POMT1: variants seen among roughly 807,000 people sequenced by gnomAD.
POMT1 encodes protein O-mannosyltransferase 1.
A neutral mutation model predicts 101.6 loss-of-function variants in POMT1; 85 were observed. That is an observed-to-expected ratio of 0.84 (90% CI 0.70 to 1.00). The LOEUF is 1.00. Among genes scored for constraint, POMT1 ranks in the 50% least tolerant of loss-of-function variants. The probability of loss-of-function intolerance (pLI) is 0.00; values close to 1 mark genes in which losing one functional copy is unlikely to be tolerated. For synonymous variants in POMT1, 371 were observed against 383.0 expected, an observed-to-expected ratio of 0.97 and a Z score of 0.37; for missense variants, 857 against 930.4, an observed-to-expected ratio of 0.92 and a Z score of 1.03.
At position 131,520,064 on chromosome 9, in the gene POMT1, C is replaced by G; in HGVS notation, c.1585-16C>G. 1.2e-6 allele frequency: 2 copies of G among 1,609,420 alleles called. No individual in the cohort carries two copies. The highest frequency in any genetic ancestry group is 1.7e-6 in the Non-Finnish European group (2 of 1,176,286). On this transcript the variant is annotated splice_polypyrimidine_tract_variant and intron_variant, in intron 16 of 19. Transcript: ENST00000402686. ...ATCCCCCATCCTCAATCTCAGAGGCCTCTGCTTTGTTCCAGTGGAGGATGC... is the reference window on the plus strand; with the variant it reads ...ATCCCCCATCCTCAATCTCAGAGGCGTCTGCTTTGTTCCAGTGGAGGATGC...
chr9:131,502,994 C>A lies in POMT1; in HGVS notation c.-110C>A, dbSNP rs1445065783. The A allele has an allele frequency of 6.6e-6, 1 of 152,310 alleles. No homozygotes were observed. Among genetic ancestry groups the A allele is most frequent in the Non-Finnish European group, 1.5e-5 (1 of 68,094 alleles). 9.4% of individuals were successfully genotyped at this position (152,310 alleles called of 1,614,324 possible). A position where few individuals can be genotyped will look rare whatever the true frequency, so the allele number is the denominator to read the frequency against. ...TGCGGAGTGCCGAGCGGCCTCACCCCCAACCGTCGGCCCAGTCGGACGGTT... is the reference window on the plus strand; with the variant it reads ...TGCGGAGTGCCGAGCGGCCTCACCCACAACCGTCGGCCCAGTCGGACGGTT... On this transcript the variant is annotated 5_prime_UTR_variant, in exon 1 of 20. Transcript: ENST00000402686.
At chr9:131,513,478 T>G (rs996904456) in intron 12 of POMT1, 147 bp downstream of exon 12, 10 of 825,228 alleles carry the variant, frequency 1.2e-5, no homozygotes, top group Admixed American at 2.0e-5. Context: ...CTACATTTGA[T>G]GCCGGGAGGG....
chr9:131,506,765 G>A (rs1460173004), intron 4 of POMT1: 1 of 405,454 alleles, frequency 2.5e-6, no homozygotes, highest in East Asian at 5.4e-5. Flanking sequence ...TTGCCACAAT[G>A]TTTTTGAAAA....
In POMT1 at chr9:131,506,094, G is replaced by T. The variant is rs746071589; in HGVS notation, c.123-20G>T. ...AAGATTCTAATTGAATATAATATGG[G>T]TTGTTGTTTTTTTTTCTAGTTTTGA... On this transcript the variant is annotated intron_variant, in intron 2 of 19. Transcript: ENST00000402686. The T allele has an allele frequency of 2.4e-5, 38 of 1,609,066 alleles. No homozygotes were observed. The highest frequency in any genetic ancestry group is 3.1e-5 in the Non-Finnish European group (36 of 1,177,240).
In POMT1 at chr9:131,522,200, A is replaced by G. The variant is rs775109154; in HGVS notation, c.1979A>G (p.Gln660Arg). The G allele has an allele frequency of 6.2e-7, 1 of 1,613,918 alleles. No individual in the cohort carries two copies. The highest frequency in any genetic ancestry group is 1.1e-5 in the South Asian group (1 of 91,080). Residue 660 changes from glutamine (Q) to arginine (R), a missense_variant, in exon 19 of 20, where the codon CAG (glutamine) becomes CGG (arginine). Physicochemically the swap from Gln to Arg is conservative, Grantham distance 43 (BLOSUM62 1). Transcript: ENST00000402686. The surrounding 1 kb of genome is among the most constrained non-coding windows in gnomAD (Gnocchi z 5.5). ...ATCCTTCTGCTCCCTGTGGTCCTGC[A>G]GCACATCAGCGACCACCTGTGCAGG... ...FQILLLPVVLQHISDHLCRSQ... is the reference protein window; with the variant it reads ...FQILLLPVVLRHISDHLCRSQ...
rs1399519763 is a variant in POMT1 at position 131,503,895 on chromosome 9, G to A, written c.-30-294G>A. Among the ~76,000 whole-genome samples the A allele has an allele frequency of 2.0e-5, 3 of 152,166 alleles. No homozygotes were observed. The highest frequency in any genetic ancestry group is 4.4e-5 in the Non-Finnish European group (3 of 68,038). On this transcript the variant is annotated intron_variant, in intron 1 of 19. Transcript: ENST00000402686. The surrounding 1 kb of genome is among the most constrained non-coding windows in gnomAD (Gnocchi z 4.4). ...TCGGGGAGGGAGGGGAGAAACCCTG[G>A]CGTTCCTTAGCAGTGTTCTCGCGCC...
chr9:131,506,338 G>A, intron 3 of POMT1, 65 bp from the exon 4 acceptor site: 1 of 1,563,270 alleles, frequency 6.4e-7, no homozygotes, highest in Non-Finnish European at 8.8e-7. Flanking sequence ...CTTGTTTATT[G>A]CTTGCCACAG....
chr9:131,521,925 C>T (rs1950006071), intron 18 of POMT1, 122 bp from the exon 19 acceptor site: 1 of 1,553,290 alleles, frequency 6.4e-7, no homozygotes, highest in Non-Finnish European at 8.7e-7. Flanking sequence ...TCACCTGAGG[C>T]CAGGAGTTCA....
intron 13 of POMT1, among the ~76,000 whole-genome samples, chr9:131,516,291 A>G (rs1040979069): frequency 6.7e-6 from 1 of 150,182 alleles, no homozygotes; most frequent in Non-Finnish European, 1.5e-5. Flanking sequence ...ACCTCCTCAC[A>G]CGGAACACTT....
Position 131,507,266 on chromosome 9 carries a change from A to C in POMT1, c.281-102A>C. The stretch of plus-strand genomic sequence containing the variant: ...CCCCAGTTTTGTAAACGTGCATTTT[A>C]GAGTCTGTGAACATGACGGCGCTAT... On this transcript the variant is annotated intron_variant, in intron 4 of 19. Coordinates refer to ENST00000402686, the MANE Select transcript of POMT1 (RefSeq NM_001077365.2). 4 of 1,568,082 alleles carry C rather than the reference A, an allele frequency of 2.6e-6. No homozygotes were observed. In the Admixed American group the frequency reaches 6.7e-5, roughly 26 times the overall value.
rs757156124 is a variant in POMT1 at position 131,510,277 on chromosome 9, C to G, written c.717C>G (p.His239Gln). 6.2e-7 allele frequency: 1 copy of G among 1,614,248 alleles called. No homozygotes were observed. ...QTLSNVCVFCHLLARAVALLV... is the reference protein window; with the variant it reads ...QTLSNVCVFCQLLARAVALLV... ...TCTGGCAGGTCTGTGTGTTCTGTCACTTGCTCGCCCGAGCAGTGGCTTTGC... is the reference window on the plus strand; with the variant it reads ...TCTGGCAGGTCTGTGTGTTCTGTCAGTTGCTCGCCCGAGCAGTGGCTTTGC... The change falls in exon 9 of 20, where the codon CAC becomes CAG. Residue 239 changes from histidine (H) to glutamine (Q), a missense_variant. Transcript: ENST00000402686.
chr9:131,506,837 GAC>G (rs1239588546), intron 4 of POMT1: 45 of 308,936 alleles, frequency 1.5e-4, no homozygotes, highest in South Asian at 1.3e-3. Flanking sequence ...GGGAGGCTGA[GAC>G]GGGTGGATCA....
At position 131,503,039 on chromosome 9, in the gene POMT1, C is replaced by T. The variant is rs1370694123; in HGVS notation, c.-65C>T. The T allele has an allele frequency of 2.0e-5, 3 of 152,316 alleles. No individual in the cohort carries two copies. Among genetic ancestry groups the T allele is most frequent in the Non-Finnish European group, 4.4e-5 (3 of 68,112 alleles). The allele number at this position is 152,316 out of a possible 1,614,324, so 9.4% of individuals were successfully genotyped here. On this transcript the variant is annotated 5_prime_UTR_variant, in exon 1 of 20. Coordinates refer to ENST00000402686, the MANE Select transcript of POMT1 (RefSeq NM_001077365.2). This position sits in a 1 kb window ranked among gnomAD's most constrained non-coding sequence, Gnocchi z 4.4. ...ACGGTTCCGAGGCGTTGCCGGGAGC[C>T]GGGCGCGGCTCTGTGTGGACTCGGA...
At chr9:131,510,976 CAG>C in intron 9 of POMT1, 1 of 263,716 alleles carries the variant, frequency 3.8e-6, no homozygotes, top group Non-Finnish European at 7.3e-6. Flanking sequence ...TGCCGACGGC[CAG>C]TGCTGTAGTG....
Position 131,522,349 on chromosome 9 carries a change from T to C in POMT1, c.2003+125T>C. ...TCACGTTACACTGACATCCTCCGGG[T>C]CCCTCCGGGGAATGGGTGAGGTTCA... On this transcript the variant is annotated intron_variant, in intron 19 of 19. Coordinates refer to ENST00000402686, the MANE Select transcript of POMT1 (RefSeq NM_001077365.2). The surrounding 1 kb of genome is among the most constrained non-coding windows in gnomAD (Gnocchi z 5.5). The C allele has an allele frequency of 2.0e-6, 3 of 1,517,358 alleles. No individual in the cohort carries two copies. The highest frequency in any genetic ancestry group is 2.6e-6 in the Non-Finnish European group (3 of 1,132,990). The allele number at this position is 1,517,358 out of a possible 1,614,324, so 94.0% of individuals were successfully genotyped here. A position where few individuals can be genotyped will look rare whatever the true frequency, so the allele number is the denominator to read the frequency against.
At chr9:131,515,870 T>C (rs62580578) in intron 13 of POMT1, among the ~76,000 whole-genome samples, 18,758 of 22,240 alleles carry the variant, frequency 0.84, 8,257 homozygotes, top group Admixed American at 0.91. Context: ...GGGAGCACTT[T>C]CTCTAACACA....
In POMT1 at chr9:131,522,605, AGT is replaced by A. The variant is rs1950177532; in HGVS notation, c.2004-322_2004-321del. Reference sequence around the variant, plus strand: ...GAACCCAAGAAAGCTTCTAAACCAGAGTGTGTTTGGAGGTTGGAGCAGAGGGC... The same window carrying A: ...GAACCCAAGAAAGCTTCTAAACCAGAGTGTTTGGAGGTTGGAGCAGAGGGC... On this transcript the variant is annotated intron_variant, in intron 19 of 19. Transcript: ENST00000402686. This position sits in a 1 kb window ranked among gnomAD's most constrained non-coding sequence, Gnocchi z 5.5. The A allele has an allele frequency of 3.8e-6, 2 of 530,282 alleles. No individual in the cohort carries two copies. Among genetic ancestry groups the A allele is most frequent in the Non-Finnish European group, 6.8e-6 (2 of 293,750 alleles). 32.8% of individuals were successfully genotyped at this position (530,282 alleles called of 1,614,324 possible). A position where few individuals can be genotyped will look rare whatever the true frequency, so the allele number is the denominator to read the frequency against.
At chr9:131,508,831 C>A in intron 5 of POMT1, 80 bp from the exon 6 acceptor site, 1 of 1,033,972 alleles carries the variant, frequency 9.7e-7, no homozygotes, top group Non-Finnish European at 1.5e-6. Flanking sequence ...GAAGTAATGC[C>A]TTTTTTCATG....
At chr9:131,506,660 G>A (rs1318008709) in intron 4 of POMT1, 5 of 608,200 alleles carry the variant, frequency 8.2e-6, no homozygotes, top group Non-Finnish European at 1.5e-5. Flanking sequence ...AAATCTTACT[G>A]TTCAGTTGCA....
Sources: allele counts gnomAD v4.1 joint callset (sites outside exome capture counted in the v4.1 genomes callset), GRCh38; gene constraint gnomAD v4.1.1; non-coding constraint Gnocchi (gnomAD v3.1); transcripts MANE v1.5; gene names NCBI Gene and HGNC (gene_info 2026-07-23, HGNC 2026-07-21).